GATA3: variants seen among roughly 807,000 people sequenced by gnomAD.
GATA3 encodes GATA binding protein 3.
GATA3 carries 6 observed loss-of-function variants against 36.0 expected under a neutral mutation model. That is an observed-to-expected ratio of 0.17 (90% CI 0.09 to 0.33). The LOEUF is 0.33. Ranked by LOEUF, GATA3 falls within the 10% of genes least tolerant of loss-of-function variation. The probability of loss-of-function intolerance (pLI) is 1.00; values close to 1 mark genes in which losing one functional copy is unlikely to be tolerated. For missense variants in GATA3, 514 were observed against 610.1 expected, an observed-to-expected ratio of 0.84 and a Z score of 1.66; for synonymous variants, 326 against 273.0, an observed-to-expected ratio of 1.19 and a Z score of -1.92.
At chr10:8,050,126 G>A (rs758079147), upstream of GATA3, among the ~76,000 whole-genome samples, 12 of 152,216 alleles carry the variant, frequency 7.9e-5, no homozygotes, top group Non-Finnish European at 1.0e-4. Context: ...AGAAGCCGGC[G>A]CCTCCCCAAG....
At position 8,055,665 on chromosome 10, in the gene GATA3, A is replaced by T; in HGVS notation, c.10A>T (p.Thr4Ser). MEV[T>S]ADQPRWVSHH... Reference sequence around the variant, plus strand: ...GAGCACAGCCGAGGCCATGGAGGTGACGGCGGACCAGCCGCGCTGGGTGAG... The same window carrying T: ...GAGCACAGCCGAGGCCATGGAGGTGTCGGCGGACCAGCCGCGCTGGGTGAG... The change falls in exon 2 of 6, where the codon ACG becomes TCG. Residue 4 changes from threonine (T) to serine (S), a missense_variant. Physicochemically the swap from Thr to Ser is moderately conservative, Grantham distance 58. Transcript: ENST00000379328. The surrounding 1 kb of genome is among the most constrained non-coding windows in gnomAD (Gnocchi z 5.4). The T allele has an allele frequency of 6.4e-7, 1 of 1,556,300 alleles. No individual in the cohort carries two copies. Among genetic ancestry groups the T allele is most frequent in the Non-Finnish European group, 8.7e-7 (1 of 1,150,682 alleles).
chr10:8,057,333 C>T (rs1294547676), intron 2 of GATA3, among the ~76,000 whole-genome samples: 3 of 152,044 alleles, frequency 2.0e-5, no homozygotes, highest in Admixed American at 2.0e-4. Flanking sequence ...TTAAATGTAC[C>T]CCTCAGAGTG....
At chr10:8,068,430 G>T (rs1308846277) in intron 4 of GATA3, among the ~76,000 whole-genome samples, 3 of 152,144 alleles carry the variant, frequency 2.0e-5, no homozygotes, top group Non-Finnish European at 4.4e-5. Flanking sequence ...AGAGAGTGAG[G>T]GTGGCTGTCT....
At chr10:8,065,173 A>G (rs952115303) in intron 4 of GATA3, among the ~76,000 whole-genome samples, 4 of 152,156 alleles carry the variant, frequency 2.6e-5, no homozygotes, top group Non-Finnish European at 5.9e-5. Context: ...ATTCTTTTTA[A>G]AGAATACTTT....
chr10:8,071,753 G>A (rs751275330), intron 5 of GATA3, among the ~76,000 whole-genome samples: 4 of 152,162 alleles, frequency 2.6e-5, no homozygotes, highest in Non-Finnish European at 4.4e-5. Context: ...ATCACGTTGC[G>A]TTTTGCTCTG....
In GATA3 at chr10:8,069,586, C is replaced by T. The variant is rs2131512355; in HGVS notation, c.1038C>T (p.Tyr346=). The change falls in exon 5 of 6, where the codon TAC becomes TAT. Residue 346 remains tyrosine (Y), a synonymous_variant. Coordinates refer to ENST00000379328, the MANE Select transcript of GATA3 (RefSeq NM_001002295.2). ...DPVCNACGLY[Y]KLHNINRPLT... ...TCTGCAATGCCTGTGGGCTCTACTA[C>T]AAGCTTCACAATGTAAGTGGACTGG... 1 of 1,614,152 alleles carries T rather than the reference C, an allele frequency of 6.2e-7. No homozygotes were observed. Among genetic ancestry groups the T allele is most frequent in the Non-Finnish European group, 8.5e-7 (1 of 1,180,016 alleles).
intron 2 of GATA3, among the ~76,000 whole-genome samples, chr10:8,057,511 G>T (rs1405846793): frequency 6.6e-6 from 1 of 152,134 alleles, no homozygotes; most frequent in African/African-American, 2.4e-5. Flanking sequence ...TTTATTGAGG[G>T]TGCATGGGGC....
intron 4 of GATA3, among the ~76,000 whole-genome samples, chr10:8,068,483 G>T (rs1479364175): frequency 2.0e-5 from 3 of 152,208 alleles, no homozygotes; most frequent in Non-Finnish European, 2.9e-5. Flanking sequence ...AGACTGTGGT[G>T]GCTCACGCCT....
At chr10:8,070,259 T>C (rs1274632208) in intron 5 of GATA3, among the ~76,000 whole-genome samples, 1 of 152,210 alleles carries the variant, frequency 6.6e-6, no homozygotes, top group Non-Finnish European at 1.5e-5. Flanking sequence ...ATTTTCTCCT[T>C]TTATATCATG....
chr10:8,046,648 AGTGTGTGTGTGTGTGTGTGTGT>A (rs55947422), intron 1 of GATA3, among the ~76,000 whole-genome samples: 1 of 137,774 alleles, frequency 7.3e-6, no homozygotes, highest in Non-Finnish European at 1.6e-5. Flanking sequence ...AATGGCTGGC[AGTGTGTGTGTGTGTGTGTGTGT>A]GTGTGTGTGT....
chr10:8,049,751 T>TG (rs571464311), upstream of GATA3, among the ~76,000 whole-genome samples: 150 of 152,236 alleles, frequency 9.9e-4, no homozygotes, highest in African/African-American at 3.3e-3. Context: ...GCGGTGAGGC[T>TG]GGCTGGGTTG....
intron 4 of GATA3, 97 bp downstream of exon 4, chr10:8,064,235 A>G: frequency 7.1e-7 from 1 of 1,415,382 alleles, no homozygotes; most frequent in African/African-American, 1.5e-5. Context: ...AATTGACAGG[A>G]TAGCCTCCAA....
intron 3 of GATA3, among the ~76,000 whole-genome samples, chr10:8,059,853 G>C (rs1832718716): frequency 6.6e-6 from 1 of 152,218 alleles, no homozygotes; most frequent in African/African-American, 2.4e-5. Flanking sequence ...TATTAGACAG[G>C]GTTTGGTGAA....
upstream of GATA3, among the ~76,000 whole-genome samples, chr10:8,054,376 G>C (rs920931076): frequency 4.6e-5 from 7 of 152,318 alleles, 1 homozygote; most frequent in Admixed American, 4.6e-4. This position sits in a 1 kb window ranked among gnomAD's most constrained non-coding sequence, Gnocchi z 4.2. Flanking sequence ...GAATTGGCAG[G>C]AGCCGCGGCC....
At chr10:8,061,188 C>T (rs1322697280) in intron 3 of GATA3, among the ~76,000 whole-genome samples, 2 of 152,010 alleles carry the variant, frequency 1.3e-5, no homozygotes, top group Non-Finnish European at 2.9e-5. Context: ...CGGTTGAAGT[C>T]GTGGTTAGGG....
At chr10:8,046,570 G>A (rs1010968495) in intron 1 of GATA3, among the ~76,000 whole-genome samples, 1 of 152,098 alleles carries the variant, frequency 6.6e-6, no homozygotes, top group Admixed American at 6.5e-5. Flanking sequence ...AGCAGTGGGT[G>A]GGCTGGGGGT....
chr10:8,059,665 C>T (rs551523088), intron 3 of GATA3, among the ~76,000 whole-genome samples: 1 of 152,326 alleles, frequency 6.6e-6, no homozygotes, highest in Admixed American at 6.5e-5. Flanking sequence ...AAAATGCAAA[C>T]GCTGCCTAGC....
intron 4 of GATA3, among the ~76,000 whole-genome samples, chr10:8,067,680 C>T (rs3929762): frequency 0.023 from 3,247 of 143,664 alleles, 54 homozygotes; most frequent in South Asian, 0.07. Flanking sequence ...TTAGCTGGGG[C>T]GGTGGCGGGC....
At chr10:8,066,223 T>C (rs1832839913) in intron 4 of GATA3, among the ~76,000 whole-genome samples, 2 of 152,144 alleles carry the variant, frequency 1.3e-5, no homozygotes, top group South Asian at 4.1e-4. Flanking sequence ...CGTAATTCCA[T>C]TTTATGCAAT....
Sources: allele counts gnomAD v4.1 joint callset (sites outside exome capture counted in the v4.1 genomes callset), GRCh38; gene constraint gnomAD v4.1.1; non-coding constraint Gnocchi (gnomAD v3.1); transcripts MANE v1.5; gene names NCBI Gene and HGNC (gene_info 2026-07-23, HGNC 2026-07-21).